WDR3: variants seen among roughly 807,000 people sequenced by gnomAD.
WDR3 encodes the protein WD repeat domain 3.
WDR3 carries 81 observed loss-of-function variants against 123.7 expected under a neutral mutation model. The ratio of observed to expected loss-of-function variants is 0.65; its 90% confidence interval spans 0.55 to 0.79. WDR3 has a LOEUF of 0.79. WDR3 is among the 30% of genes least tolerant of loss of function. WDR3 has a pLI of 0.00. For missense variants in WDR3, 1,027 were observed against 1,123.2 expected (o/e 0.91, Z 1.22); for synonymous variants, 390 against 388.8 (o/e 1.00, Z -0.04).
At chr1:117,938,907 A>G (rs1651045507) in intron 5 of WDR3, among the ~76,000 whole-genome samples, 1 of 152,202 alleles carries the variant, frequency 6.6e-6, no homozygotes, top group African/African-American at 2.4e-5. Context: ...CTGTTAAAAT[A>G]GTTACTTGAA....
intron 13 of WDR3, among the ~76,000 whole-genome samples, chr1:117,949,179 G>A (rs1651513138): frequency 1.3e-5 from 2 of 152,016 alleles, no homozygotes; most frequent in Non-Finnish European, 1.5e-5. Flanking sequence ...TTTGTAGAGT[G>A]TTCTATCTTT....
chr1:117,939,653 A>G (rs1246539944), intron 6 of WDR3, 81 bp downstream of exon 6: 2 of 1,338,650 alleles, frequency 1.5e-6, no homozygotes, highest in African/African-American at 1.4e-5. Context: ...GTAATTATTC[A>G]GTACTTCACA....
chr1:117,952,956 C>G lies in WDR3; in HGVS notation c.2162C>G (p.Ala721Gly). ...LEEEREMERE[A>G]EYEESVAKED... is the part of the protein sequence containing the mutation. ...TCTATCTCATGGCAGGAAAGAGAAG[C>G]AGAATATGAGGAGAGTGTGGCCAAA... Residue 721 changes from alanine to glycine, a missense_variant, in exon 20 of 27, where the codon GCA (alanine) becomes GGA (glycine). Coordinates refer to ENST00000349139, the MANE Select transcript of WDR3 (RefSeq NM_006784.3). 1 of 1,612,982 alleles carries G rather than the reference C, an allele frequency of 6.2e-7. No individual in the cohort carries two copies. Among genetic ancestry groups the G allele is most frequent in the South Asian group, 1.1e-5 (1 of 91,002 alleles).
rs920694763 is a variant in WDR3 at position 117,942,510 on chromosome 1, C to G, written c.1063C>G (p.Arg355Gly). The G allele has an allele frequency of 3.1e-6, 5 of 1,613,662 alleles. No individual in the cohort carries two copies. The highest frequency in any genetic ancestry group is 4.2e-6 in the Non-Finnish European group (5 of 1,179,876). ...VEMSLQDEIQ[R>G]VTNIKTSAKI... is the part of the protein sequence containing the mutation. ...AATGAGTCTGCAAGATGAAATCCAG[C>G]GGGTGACTAATATAAAAACTTCTGC... The change falls in exon 10 of 27, where the codon CGG becomes GGG. Residue 355 changes from arginine to glycine, a missense_variant. Arg to Gly is a moderately radical substitution (Grantham distance 125, BLOSUM62 -2). Transcript: ENST00000349139.
At chr1:117,934,407 TC>T in intron 2 of WDR3, 65 bp from the exon 3 acceptor site, 1 of 1,502,080 alleles carries the variant, frequency 6.7e-7, no homozygotes, top group Non-Finnish European at 9.2e-7. Flanking sequence ...GCCTGAGTAT[TC>T]CTATGCTTTT....
Position 117,934,529 on chromosome 1 carries a change from TG to T in WDR3, c.231del (p.Leu78TyrfsTer3), listed in dbSNP as rs1395862086. 1 of 1,614,052 alleles carries T rather than the reference TG, an allele frequency of 6.2e-7. No individual in the cohort carries two copies. The highest frequency in any genetic ancestry group is 1.3e-5 in the African/African-American group (1 of 74,930). The part of the protein sequence containing the change: ...EVTCLCPSPD[G>X]LHLAVGYEDG... ...TTACTTGCTTATGCCCCTCCCCAGA[TG>T]GGCTACACTTAGCTGTTGGGTATGA... On this transcript the variant is annotated frameshift_variant, in exon 3 of 27. Transcript: ENST00000349139. LOFTEE classifies it high-confidence loss of function.
At position 117,952,002 on chromosome 1, in the gene WDR3, C is replaced by T. The variant is rs140893583; in HGVS notation, c.1830C>T (p.Ser610=). Residue 610 remains serine (S), a synonymous_variant, in exon 17 of 27, where the codon TCC becomes TCT. Coordinates refer to ENST00000349139, the MANE Select transcript of WDR3 (RefSeq NM_006784.3). ...ATGGAGCACTCATAGCAACTGGCTCCGCTGATAGGAATGTGAAAATCTGGG... is the reference window on the plus strand; with the variant it reads ...ATGGAGCACTCATAGCAACTGGCTCTGCTGATAGGAATGTGAAAATCTGGG... ...SHDGALIATG[S]ADRNVKIWGL... is the part of the protein sequence containing the mutation. 1,195 of 1,613,266 alleles carry T rather than the reference C, an allele frequency of 7.4e-4. 9 individuals are homozygous for T. In the East Asian group the frequency reaches 0.016, roughly 22 times the overall value.
chr1:117,954,434 T>A (rs1402731678), intron 22 of WDR3, 146 bp from the exon 23 acceptor site: 3 of 737,750 alleles, frequency 4.1e-6, no homozygotes, highest in Non-Finnish European at 6.5e-6. Flanking sequence ...ACTAACAGGT[T>A]TGATAATTCT....
intron 21 of WDR3, 147 bp downstream of exon 21, chr1:117,953,688 C>A: frequency 1.3e-6 from 1 of 757,222 alleles, no homozygotes; most frequent in Non-Finnish European, 2.1e-6. Flanking sequence ...GTTTCCTTCT[C>A]TTGTAACCAA....
intron 13 of WDR3, among the ~76,000 whole-genome samples, 157 bp from the exon 14 acceptor site, chr1:117,949,594 A>G (rs1651528254): frequency 6.6e-6 from 1 of 152,248 alleles, no homozygotes; most frequent in African/African-American, 2.4e-5. Flanking sequence ...CAGCAGACCC[A>G]AAAGATCAGT....
chr1:117,947,162 G>T (rs1217891921), intron 12 of WDR3, among the ~76,000 whole-genome samples: 1 of 152,088 alleles, frequency 6.6e-6, no homozygotes, highest in Non-Finnish European at 1.5e-5. Context: ...TCACAGAGAT[G>T]AAGTATACAA....
Position 117,941,242 on chromosome 1 carries a change from G to A in WDR3, c.891+17G>A, listed in dbSNP as rs750519524. On this transcript the variant is annotated intron_variant, in intron 8 of 26. Transcript: ENST00000349139. ...GCTTGCCATGTGAGTACCATACTTA[G>A]GAGAAAATAACAAGGACTAGGCTGT... 1 of 1,611,914 alleles carries A rather than the reference G, an allele frequency of 6.2e-7. No homozygotes were observed. Among genetic ancestry groups the A allele is most frequent in the Non-Finnish European group, 8.5e-7 (1 of 1,178,428 alleles).
At chr1:117,933,167 G>T in intron 1 of WDR3, 121 bp from the exon 2 acceptor site, 1 of 757,480 alleles carries the variant, frequency 1.3e-6, no homozygotes, top group Non-Finnish European at 2.0e-6. Context: ...TCCCACCACT[G>T]CACTCCAGCC....
rs1170337923 is a variant in WDR3, at chr1:117,962,867, C to T, written c.*3420C>T. 1 of 152,230 alleles carries T rather than the reference C, an allele frequency of 6.6e-6. No homozygotes were observed. The highest frequency in any genetic ancestry group is 2.4e-5 in the African/African-American group (1 of 41,452). 9.4% of individuals were successfully genotyped at this position (152,230 alleles called of 1,614,324 possible). A position where few individuals can be genotyped will look rare whatever the true frequency, so the allele number is the denominator to read the frequency against. ...CTTAGCTGTAAATGATGAGCCTGCTCAATGCAGCCTTTTCAGGCCAGATTA... is the reference window on the plus strand; with the variant it reads ...CTTAGCTGTAAATGATGAGCCTGCTTAATGCAGCCTTTTCAGGCCAGATTA... On this transcript the variant is annotated 3_prime_UTR_variant, in exon 27 of 27. Transcript: ENST00000349139.
Position 117,965,266 on chromosome 1 carries a change from G to A in WDR3, c.*5819G>A, listed in dbSNP as rs1653679206. Reference sequence around the variant, plus strand: ...TCTTTTCCTTGAAATTCTTCCTAAGGCTTTTGAAGTATTTCACCATTTTCT... The same window carrying A: ...TCTTTTCCTTGAAATTCTTCCTAAGACTTTTGAAGTATTTCACCATTTTCT... On this transcript the variant is annotated 3_prime_UTR_variant, in exon 27 of 27. Transcript: ENST00000349139. 2.0e-5 allele frequency: 3 copies of A among 152,044 alleles called. 1 individual carries two copies. In the South Asian group the frequency reaches 6.2e-4, roughly 32 times the overall value. 9.4% of individuals were successfully genotyped at this position (152,044 alleles called of 1,614,324 possible).
At chr1:117,954,744 A>G in intron 23 of WDR3, 117 bp downstream of exon 23, 3 of 1,107,430 alleles carry the variant, frequency 2.7e-6, no homozygotes, top group East Asian at 2.5e-5. Flanking sequence ...TTTGTCTTCA[A>G]AAGTCTCTTT....
At chr1:117,949,718 T>G in intron 13 of WDR3, 33 bp from the exon 14 acceptor site, 5 of 1,605,798 alleles carry the variant, frequency 3.1e-6, no homozygotes, top group Non-Finnish European at 4.3e-6. Flanking sequence ...TATGCTAAAA[T>G]AGTTTTTAAT....
chr1:117,946,508 C>T (rs1311720092), intron 12 of WDR3, among the ~76,000 whole-genome samples: 1 of 151,860 alleles, frequency 6.6e-6, no homozygotes, highest in East Asian at 1.9e-4. Context: ...TATTAAGTAC[C>T]TAATATCATG....
chr1:117,950,724 A>G, intron 15 of WDR3, 110 bp from the exon 16 acceptor site: 1 of 950,768 alleles, frequency 1.1e-6, no homozygotes, highest in South Asian at 1.4e-5. Flanking sequence ...TTGAAAATAC[A>G]GATATAAAGC....
Sources: gnomAD v4.1 joint callset for allele counts (sites outside exome capture counted in the v4.1 genomes callset) on GRCh38, gnomAD v4.1.1 for gene constraint, MANE v1.5 for transcripts, NCBI Gene and HGNC (gene_info 2026-07-23, HGNC 2026-07-21) for gene names.